Variants in AGBL4 observed in about 807,000 individuals in gnomAD.
AGBL4 encodes the protein cytosolic carboxypeptidase 6.
Under a neutral mutation model 66.4 loss-of-function variants are expected in AGBL4, and 58 were observed. That is an observed-to-expected ratio of 0.87 (90% CI 0.71 to 1.09). The LOEUF is 1.09. AGBL4 is among the 50% of genes least tolerant of loss of function. The probability of loss-of-function intolerance (pLI) is 0.00; values close to 1 mark genes in which losing one functional copy is unlikely to be tolerated. For missense variants in AGBL4, 579 were observed against 631.0 expected (o/e 0.92, Z 0.88); for synonymous variants, 234 against 222.9 (o/e 1.05, Z -0.44).
intron 4 of AGBL4, among the ~76,000 whole-genome samples, chr1:49,181,944 T>C (rs1015159903): frequency 2.0e-5 from 3 of 152,188 alleles, no homozygotes; most frequent in Non-Finnish European, 2.9e-5. Context: ...TGGTTTTCCC[T>C]GGGAAAATTT....
chr1:49,875,616 T>C (rs1007179486), intron 1 of AGBL4, among the ~76,000 whole-genome samples: 1 of 149,210 alleles, frequency 6.7e-6, no homozygotes, highest in Non-Finnish European at 1.5e-5. Flanking sequence ...GCAATAAACA[T>C]ACGTGTACAT....
In AGBL4 at chr1:48,597,293, A is replaced by C. The variant is rs915862556; in HGVS notation, c.952-6308T>G. Among the ~76,000 whole-genome samples the C allele has an allele frequency of 3.3e-5, 5 of 152,190 alleles. No homozygotes were observed. In the East Asian group the frequency reaches 9.6e-4, roughly 29 times the overall value. On this transcript the variant is annotated intron_variant, in intron 9 of 13. Coordinates refer to ENST00000371839, the MANE Select transcript of AGBL4 (RefSeq NM_032785.4). The stretch of plus-strand genomic sequence containing the variant: ...GTGAACCTACTATGTTCCTGGTGCT[A>C]TCATAGGACTTCAGGGTGAACAAAA...
intron 8 of AGBL4, among the ~76,000 whole-genome samples, chr1:48,645,667 CATAATGATGCATT>C (rs1645824026): frequency 6.6e-6 from 1 of 152,106 alleles, no homozygotes. Flanking sequence ...GTAAAATGAG[CATAATGATGCATT>C]TGTTCTAAGG....
chr1:49,579,469 G>C (rs1402238490), intron 3 of AGBL4, among the ~76,000 whole-genome samples: 1 of 152,062 alleles, frequency 6.6e-6, no homozygotes, highest in Non-Finnish European at 1.5e-5. Flanking sequence ...CCCATGTGCT[G>C]ATTAAAAGAA....
chr1:49,603,367 G>A (rs958551403), intron 3 of AGBL4, among the ~76,000 whole-genome samples: 1 of 151,814 alleles, frequency 6.6e-6, no homozygotes, highest in African/African-American at 2.4e-5. Context: ...TCTAGAAAGG[G>A]AACAGTTATT....
At chr1:48,820,374 A>C (rs879766041) in intron 6 of AGBL4, among the ~76,000 whole-genome samples, 2 of 152,188 alleles carry the variant, frequency 1.3e-5, no homozygotes, top group Non-Finnish European at 2.9e-5. Context: ...AGGTACACAA[A>C]TATTGGATCA....
chr1:49,262,659 G>A (rs1016569619), intron 3 of AGBL4, among the ~76,000 whole-genome samples: 2 of 152,012 alleles, frequency 1.3e-5, no homozygotes, highest in East Asian at 3.9e-4. Flanking sequence ...GAAACAACAG[G>A]TGCTGGAGAG....
chr1:49,082,284 T>G (rs775210364), intron 4 of AGBL4, among the ~76,000 whole-genome samples: 2 of 152,328 alleles, frequency 1.3e-5, no homozygotes, highest in South Asian at 4.1e-4. Flanking sequence ...GCTTTCATTT[T>G]GCTGAGAGGA....
chr1:48,687,237 G>A (rs1298431156), intron 6 of AGBL4, among the ~76,000 whole-genome samples: 1 of 152,132 alleles, frequency 6.6e-6, no homozygotes, highest in Admixed American at 6.5e-5. Context: ...AGAGGAGGGG[G>A]CAAAGAGAAA....
At chr1:48,872,910 CAG>C in intron 5 of AGBL4, among the ~76,000 whole-genome samples, 1 of 152,252 alleles carries the variant, frequency 6.6e-6, no homozygotes, top group Middle Eastern at 3.4e-3. Context: ...GAGCAACAGG[CAG>C]AGTGGGGGAA....
chr1:49,955,387 A>G (rs928179608), intron 1 of AGBL4, among the ~76,000 whole-genome samples: 1 of 151,990 alleles, frequency 6.6e-6, no homozygotes, highest in African/African-American at 2.4e-5. Flanking sequence ...TTCAACTACT[A>G]TGTCAAAGCC....
intron 4 of AGBL4, among the ~76,000 whole-genome samples, chr1:49,160,057 A>G (rs1046962657): frequency 2.4e-4 from 36 of 152,132 alleles, no homozygotes; most frequent in African/African-American, 8.2e-4. Flanking sequence ...TTCAAAGTGT[A>G]CTTCTGTCAA....
chr1:49,218,620 C>G (rs1025967705), intron 4 of AGBL4, among the ~76,000 whole-genome samples: 1 of 152,098 alleles, frequency 6.6e-6, no homozygotes, highest in Non-Finnish European at 1.5e-5. Context: ...TAGCTCACCC[C>G]TCAGTACCAG....
intron 5 of AGBL4, among the ~76,000 whole-genome samples, chr1:48,977,828 T>G (rs192639822): frequency 6.6e-6 from 1 of 152,258 alleles, no homozygotes; most frequent in Admixed American, 6.6e-5. Context: ...CTGCGAAGCT[T>G]TTTAGTGCAT....
intron 4 of AGBL4, among the ~76,000 whole-genome samples, chr1:49,168,108 T>C (rs189851038): frequency 3.3e-5 from 5 of 152,294 alleles, no homozygotes; most frequent in Admixed American, 2.0e-4. Context: ...AGCCATAGAT[T>C]TTGATATCCG....
chr1:49,612,476 T>C (rs1376515653), intron 3 of AGBL4, among the ~76,000 whole-genome samples: 1 of 152,222 alleles, frequency 6.6e-6, no homozygotes, highest in Non-Finnish European at 1.5e-5. Flanking sequence ...AAGATTTTAA[T>C]ATTCAGGATA....
intron 1 of AGBL4, among the ~76,000 whole-genome samples, chr1:49,856,377 A>C (rs1477030662): frequency 6.6e-6 from 1 of 152,118 alleles, no homozygotes; most frequent in Non-Finnish European, 1.5e-5. Flanking sequence ...TTTCTAACTC[A>C]TTCTATAAAA....
At chr1:49,195,449 T>C (rs979900307) in intron 4 of AGBL4, among the ~76,000 whole-genome samples, 3 of 152,194 alleles carry the variant, frequency 2.0e-5, no homozygotes, top group Non-Finnish European at 2.9e-5. Context: ...TGACTAACAC[T>C]CTTTTTCTTT....
At chr1:48,700,373 C>T (rs1455268571) in intron 6 of AGBL4, among the ~76,000 whole-genome samples, 5 of 152,172 alleles carry the variant, frequency 3.3e-5, no homozygotes, top group Non-Finnish European at 2.9e-5. Context: ...GGCTGCACAG[C>T]ACAATTGAAA....
Sources: gnomAD v4.1 joint callset for allele counts (sites outside exome capture counted in the v4.1 genomes callset) on GRCh38, gnomAD v4.1.1 for gene constraint, MANE v1.5 for transcripts, NCBI Gene and HGNC (gene_info 2026-07-23, HGNC 2026-07-21) for gene names.